Variants in CLSTN2 observed in about 807,000 individuals in gnomAD.
CLSTN2 encodes calsyntenin 2.
A neutral mutation model predicts 101.2 loss-of-function variants in CLSTN2; 48 were observed. The observed-to-expected ratio is 0.47, with a 90% CI of 0.38 to 0.60. The LOEUF (loss-of-function observed/expected upper bound fraction) is 0.60, where lower values mean the gene tolerates loss of function less well. Ranked by LOEUF, CLSTN2 falls within the 20% of genes least tolerant of loss-of-function variation. The pLI is 0.00. For synonymous variants in CLSTN2, 481 were observed against 463.6 expected (o/e 1.04, Z -0.48); for missense variants, 1,160 against 1,238.2 (o/e 0.94, Z 0.95).
intron 2 of CLSTN2, among the ~76,000 whole-genome samples, chr3:140,302,292 C>A (rs1284906730): frequency 6.6e-6 from 1 of 152,064 alleles, no homozygotes; most frequent in Non-Finnish European, 1.5e-5. Flanking sequence ...TGCTGGAGAC[C>A]ACTTGTTAAC....
chr3:140,502,434 G>T (rs1036866329), intron 8 of CLSTN2, among the ~76,000 whole-genome samples: 5 of 152,218 alleles, frequency 3.3e-5, no homozygotes, highest in South Asian at 4.1e-4. Flanking sequence ...ACAGCTTGGG[G>T]AGTCTTAGGC....
At chr3:140,049,341 GA>G (rs138190780) in intron 1 of CLSTN2, among the ~76,000 whole-genome samples, 2,418 of 152,244 alleles carry the variant, frequency 0.016, 62 homozygotes, top group African/African-American at 0.053. Flanking sequence ...CCCAGTTGCA[GA>G]AAAATCAAAG....
chr3:140,047,543 G>A (rs1053562734), intron 1 of CLSTN2, among the ~76,000 whole-genome samples: 8 of 152,098 alleles, frequency 5.3e-5, no homozygotes, highest in Non-Finnish European at 1.0e-4. Context: ...TCTGTTGCTT[G>A]TAATAGAATT....
intron 8 of CLSTN2, among the ~76,000 whole-genome samples, chr3:140,470,324 G>A (rs753578635): frequency 2.6e-5 from 4 of 152,254 alleles, no homozygotes; most frequent in Non-Finnish European, 5.9e-5. Context: ...TGATAGGCAC[G>A]GTGGGCTGGG....
At chr3:140,163,373 AC>A (rs1452477683) in intron 1 of CLSTN2, among the ~76,000 whole-genome samples, 3 of 150,780 alleles carry the variant, frequency 2.0e-5, no homozygotes, top group Admixed American at 2.0e-4. Context: ...AAATTTGCTA[AC>A]CCCCCACAAA....
chr3:140,266,402 T>A (rs1313955243), intron 2 of CLSTN2, among the ~76,000 whole-genome samples: 1 of 152,230 alleles, frequency 6.6e-6, no homozygotes, highest in Non-Finnish European at 1.5e-5. Context: ...GTTGTCTTGA[T>A]GTTCTTATAA....
chr3:139,981,235 G>A lies in CLSTN2; in HGVS notation c.109+45752G>A, dbSNP rs144204186. Among the ~76,000 whole-genome samples, 22 of 152,224 alleles carry A rather than the reference G, an allele frequency of 1.4e-4. No homozygotes were observed. In the East Asian group the frequency reaches 3.3e-3, roughly 23 times the overall value. On this transcript the variant is annotated intron_variant, in intron 1 of 16. Coordinates refer to ENST00000458420, the MANE Select transcript of CLSTN2 (RefSeq NM_022131.3). ...GGGAATAGTGCAGCCACCCACCCCC[G>A]AATTGCCCTCTTTGTGAAAACGCAG...
intron 9 of CLSTN2, among the ~76,000 whole-genome samples, chr3:140,540,983 T>C (rs974618052): frequency 6.6e-6 from 1 of 152,230 alleles, no homozygotes; most frequent in African/African-American, 2.4e-5. Flanking sequence ...AACCATGTAT[T>C]CCAGCAACCT....
chr3:140,264,427 T>A (rs866319210), intron 2 of CLSTN2, among the ~76,000 whole-genome samples: 1 of 98,758 alleles, frequency 1.0e-5, no homozygotes, highest in Non-Finnish European at 2.2e-5. Flanking sequence ...TATATATATA[T>A]AAAATTAGGC....
At chr3:140,306,781 T>C (rs2087117764) in intron 2 of CLSTN2, among the ~76,000 whole-genome samples, 1 of 152,080 alleles carries the variant, frequency 6.6e-6, no homozygotes, top group Admixed American at 6.5e-5. Context: ...AGTGGTTTTC[T>C]ACTTACCAAA....
chr3:140,166,330 A>C, intron 1 of CLSTN2, among the ~76,000 whole-genome samples: 1 of 152,226 alleles, frequency 6.6e-6, no homozygotes, highest in East Asian at 1.9e-4. Context: ...CAGAAGAGGA[A>C]GTTGAGCATG....
intron 10 of CLSTN2, among the ~76,000 whole-genome samples, chr3:140,552,828 C>A (rs1457157258): frequency 3.9e-5 from 6 of 152,160 alleles, no homozygotes; most frequent in South Asian, 2.1e-4. Context: ...GGACAGATAG[C>A]AACAGCACAA....
At chr3:140,063,046 G>C (rs2008233837) in intron 1 of CLSTN2, among the ~76,000 whole-genome samples, 1 of 152,068 alleles carries the variant, frequency 6.6e-6, no homozygotes, top group East Asian at 1.9e-4. Context: ...CTAGTTGTGG[G>C]TTTAATACCT....
At chr3:140,128,497 A>T (rs1413619736) in intron 1 of CLSTN2, among the ~76,000 whole-genome samples, 2 of 152,172 alleles carry the variant, frequency 1.3e-5, no homozygotes, top group Non-Finnish European at 2.9e-5. Flanking sequence ...ATAAACTACA[A>T]GGGGTAGTGT....
chr3:140,274,473 G>A (rs901070359), intron 2 of CLSTN2, among the ~76,000 whole-genome samples: 30 of 152,296 alleles, frequency 2.0e-4, no homozygotes, highest in Non-Finnish European at 8.8e-5. Context: ...TGCCAACCAT[G>A]AGCCAGCATC....
At chr3:140,015,561 A>G (rs1352325041) in intron 1 of CLSTN2, among the ~76,000 whole-genome samples, 2 of 152,172 alleles carry the variant, frequency 1.3e-5, no homozygotes, top group East Asian at 3.9e-4. Context: ...AGCAAGAAGG[A>G]CTGCAAGGTT....
chr3:140,182,614 TA>T (rs2010426986), intron 2 of CLSTN2, among the ~76,000 whole-genome samples: 1 of 152,220 alleles, frequency 6.6e-6, no homozygotes, highest in African/African-American at 2.4e-5. Flanking sequence ...TGTCCCCTGG[TA>T]TCCCACTCTG....
At chr3:140,356,320 A>G (rs1291814315) in intron 2 of CLSTN2, among the ~76,000 whole-genome samples, 2 of 152,222 alleles carry the variant, frequency 1.3e-5, no homozygotes, top group Non-Finnish European at 2.9e-5. Flanking sequence ...ATCAGGGTAG[A>G]TTCACAAAGC....
intron 5 of CLSTN2, among the ~76,000 whole-genome samples, chr3:140,428,040 C>T (rs1271764251): frequency 2.0e-5 from 3 of 152,160 alleles, no homozygotes; most frequent in East Asian, 3.9e-4. Context: ...GTGGCAGTAA[C>T]AGCAGTGGGC....
Sources: allele counts gnomAD v4.1 joint callset (sites outside exome capture counted in the v4.1 genomes callset), GRCh38; gene constraint gnomAD v4.1.1; transcripts MANE v1.5; gene names NCBI Gene and HGNC (gene_info 2026-07-23, HGNC 2026-07-21).